Variants in CFAP61 observed in about 807,000 individuals in gnomAD.
CFAP61 encodes cilia and flagella associated protein 61.
In CFAP61, 107 loss-of-function variants were observed where a neutral mutation model predicts 135.6. The ratio of observed to expected loss-of-function variants is 0.79; its 90% CI spans 0.67 to 0.93. The LOEUF is 0.93. Among genes scored for constraint, CFAP61 ranks in the 40% least tolerant of loss-of-function variants. The pLI, the probability that CFAP61 is intolerant of heterozygous loss-of-function variation, is 0.00. For synonymous variants in CFAP61, 575 were observed against 578.5 expected (o/e 0.99, Z 0.09); for missense variants, 1,507 against 1,556.2 (o/e 0.97, Z 0.53).
intron 18 of CFAP61, among the ~76,000 whole-genome samples, chr20:20,244,134 C>T (rs1601589446): frequency 6.6e-6 from 1 of 152,310 alleles, no homozygotes; most frequent in East Asian, 1.9e-4. Context: ...CATTGAGTGA[C>T]TGTGGCTTTT....
intron 11 of CFAP61, 45 bp downstream of exon 11, chr20:20,164,273 C>A (rs2053642213): frequency 6.4e-7 from 1 of 1,552,548 alleles, no homozygotes; most frequent in Non-Finnish European, 8.8e-7. Context: ...AGAATCTTTT[C>A]TGGCATTGGT....
At chr20:20,277,502 G>T in intron 22 of CFAP61, 44 bp downstream of exon 22, 1 of 1,544,938 alleles carries the variant, frequency 6.5e-7, no homozygotes, top group East Asian at 2.3e-5. Flanking sequence ...CAGGGACAGA[G>T]GACATCTCCA....
chr20:20,283,896 T>C (rs992293626), intron 22 of CFAP61, among the ~76,000 whole-genome samples: 9 of 152,162 alleles, frequency 5.9e-5, no homozygotes, highest in African/African-American at 2.2e-4. Context: ...CCTTTTAAGG[T>C]TTACCTGATC....
intron 2 of CFAP61, among the ~76,000 whole-genome samples, chr20:20,061,550 G>A (rs1258949086): frequency 6.6e-6 from 1 of 152,138 alleles, no homozygotes; most frequent in Non-Finnish European, 1.5e-5. Flanking sequence ...GTATAGTTCA[G>A]GACAAAAAGC....
chr20:20,133,819 C>A (rs2050720379), intron 8 of CFAP61, among the ~76,000 whole-genome samples: 1 of 151,940 alleles, frequency 6.6e-6, no homozygotes, highest in South Asian at 2.1e-4. Context: ...GTATTAAGCT[C>A]AAGTTTATTG....
rs142664686 is a variant in CFAP61 at position 20,159,815 on chromosome 20, T to C, written c.1026+371T>C. Among the ~76,000 whole-genome samples the C allele has an allele frequency of 1.0e-3, 155 of 152,344 alleles. 2 individuals are homozygous for C. Among genetic ancestry groups the C allele is most frequent in the African/African-American group, 3.6e-3 (148 of 41,578 alleles). On this transcript the variant is annotated intron_variant, in intron 10 of 26. Transcript: ENST00000245957. The stretch of plus-strand genomic sequence containing the variant: ...CTGTATCATATGCACATACATACAC[T>C]TCTGTCCGTGTCTAGGTGTGTTATT...
intron 26 of CFAP61, among the ~76,000 whole-genome samples, chr20:20,358,724 C>G (rs905420063): frequency 1.3e-5 from 2 of 152,180 alleles, no homozygotes; most frequent in African/African-American, 4.8e-5. Flanking sequence ...TCCAGCACCC[C>G]GTTGTGTCTT....
rs2056623039 is a variant in CFAP61, at chr20:20,201,582, G to A, written c.1932+1680G>A. On this transcript the variant is annotated intron_variant, in intron 17 of 26. Transcript: ENST00000245957. ...GAAGATCCTGGGAACAGACTGCTTT[G>A]GAAAGAGAGCCAACACCCAGAAGTT... Among the ~76,000 whole-genome samples the A allele has an allele frequency of 3.3e-5, 5 of 152,278 alleles. No homozygotes were observed. In the South Asian group the frequency reaches 1.0e-3, roughly 32 times the overall value.
intron 15 of CFAP61, 149 bp from the exon 16 acceptor site, chr20:20,196,421 T>G: frequency 3.1e-6 from 2 of 640,236 alleles, no homozygotes; most frequent in South Asian, 2.0e-5. Flanking sequence ...TTTAAAGAAT[T>G]TACCATGGAG....
chr20:20,171,904 G>A, intron 13 of CFAP61: 2 of 596,228 alleles, frequency 3.4e-6, no homozygotes, highest in South Asian at 2.2e-5. Context: ...CTAGCTCGGA[G>A]CACCGTAGCC....
At chr20:20,109,595 A>G (rs1324937420) in intron 8 of CFAP61, among the ~76,000 whole-genome samples, 1 of 152,082 alleles carries the variant, frequency 6.6e-6, no homozygotes, top group Admixed American at 6.5e-5. Context: ...TTCCCCCTCT[A>G]ACTAGGGTGC....
chr20:20,126,790 G>GA (rs2050100260), intron 8 of CFAP61, among the ~76,000 whole-genome samples: 1 of 151,796 alleles, frequency 6.6e-6, no homozygotes, highest in Non-Finnish European at 1.5e-5. Context: ...AGTTTTCCTC[G>GA]ATTTTTCCCC....
intron 18 of CFAP61, among the ~76,000 whole-genome samples, chr20:20,234,971 G>A (rs963190613): frequency 2.6e-5 from 4 of 152,046 alleles, no homozygotes; most frequent in Admixed American, 2.0e-4. Context: ...CTTGTTAGAC[G>A]GACACCTCCC....
chr20:20,165,006 C>G (rs1488494441), intron 11 of CFAP61, among the ~76,000 whole-genome samples: 1 of 152,184 alleles, frequency 6.6e-6, no homozygotes, highest in African/African-American at 2.4e-5. Flanking sequence ...CCCCATGATT[C>G]AGTTATCTCC....
At chr20:20,251,884 G>T in intron 20 of CFAP61, 121 bp downstream of exon 20, 1 of 1,064,248 alleles carries the variant, frequency 9.4e-7, no homozygotes, top group South Asian at 1.5e-5. Flanking sequence ...GACAGCTGCT[G>T]CTCTAAATTC....
intron 20 of CFAP61, among the ~76,000 whole-genome samples, chr20:20,261,417 A>G (rs567318929): frequency 2.2e-4 from 33 of 152,296 alleles, no homozygotes; most frequent in African/African-American, 7.9e-4. Flanking sequence ...CTCTAGGAGT[A>G]TTCTTGCCTC....
At chr20:20,255,130 T>G (rs369103577) in intron 20 of CFAP61, among the ~76,000 whole-genome samples, 3 of 152,308 alleles carry the variant, frequency 2.0e-5, no homozygotes, top group East Asian at 3.9e-4. Flanking sequence ...AGATGAAGAT[T>G]TAGCTGGCTC....
chr20:20,297,522 A>T (rs2055733397), intron 24 of CFAP61, among the ~76,000 whole-genome samples: 1 of 152,180 alleles, frequency 6.6e-6, no homozygotes, highest in South Asian at 2.1e-4. Flanking sequence ...TTGGAGCAGC[A>T]TCTACCCTTG....
chr20:20,294,192 A>C (rs1601853824), intron 24 of CFAP61, among the ~76,000 whole-genome samples: 2 of 152,336 alleles, frequency 1.3e-5, no homozygotes, highest in South Asian at 4.1e-4. Flanking sequence ...CCATGTGGGC[A>C]GGGCTGGGAG....
Sources: allele counts gnomAD v4.1 joint callset (sites outside exome capture counted in the v4.1 genomes callset), GRCh38; gene constraint gnomAD v4.1.1; transcripts MANE v1.5; gene names NCBI Gene and HGNC (gene_info 2026-07-23, HGNC 2026-07-21).